Variants in INPP4B observed in about 807,000 individuals in gnomAD.
The protein encoded by INPP4B is inositol polyphosphate-4-phosphatase type II B, also known as inositol polyphosphate 4-phosphatase type II.
In INPP4B, 55 loss-of-function variants were observed where a neutral mutation model predicts 122.5. The ratio of observed to expected loss-of-function variants is 0.45; its 90% CI spans 0.36 to 0.56. The LOEUF is 0.56. Ranked by LOEUF, INPP4B falls within the 20% of genes least tolerant of loss-of-function variation. The pLI is 0.00. For synonymous variants in INPP4B, 403 were observed against 388.7 expected (o/e 1.04, Z -0.43); for missense variants, 1,000 against 1,097.7 (o/e 0.91, Z 1.26).
intron 11 of INPP4B, among the ~76,000 whole-genome samples, chr4:142,252,933 A>T (rs780905286): frequency 9.2e-5 from 14 of 152,212 alleles, no homozygotes; most frequent in Non-Finnish European, 1.9e-4. Context: ...TGGTGCAAAC[A>T]TCATAGAGTA....
At chr4:142,711,901 A>T (rs1763166076) in intron 2 of INPP4B, among the ~76,000 whole-genome samples, 7 of 152,178 alleles carry the variant, frequency 4.6e-5, no homozygotes, top group Admixed American at 4.6e-4. Context: ...GTCAAAAATT[A>T]GCCCACCATG....
intron 2 of INPP4B, among the ~76,000 whole-genome samples, chr4:142,632,123 C>G (rs1458620114): frequency 6.6e-6 from 1 of 152,078 alleles, no homozygotes; most frequent in Non-Finnish European, 1.5e-5. Flanking sequence ...TGTTCTTACA[C>G]TAAGGACAGT....
chr4:142,465,091 T>C (rs1817508395), intron 2 of INPP4B, among the ~76,000 whole-genome samples: 1 of 152,186 alleles, frequency 6.6e-6, no homozygotes, highest in Middle Eastern at 3.2e-3. Flanking sequence ...TTTTTTTAAA[T>C]ACCCGTAATG....
At chr4:142,103,591 A>G (rs1785527888) in intron 23 of INPP4B, among the ~76,000 whole-genome samples, 1 of 152,120 alleles carries the variant, frequency 6.6e-6, no homozygotes, top group South Asian at 2.1e-4. Flanking sequence ...CAACACTCCA[A>G]AAGAGCAACT....
chr4:142,332,942 C>G (rs1293341229), intron 7 of INPP4B, among the ~76,000 whole-genome samples: 3 of 137,892 alleles, frequency 2.2e-5, no homozygotes, highest in Non-Finnish European at 3.0e-5. Context: ...ACCCAGGAGG[C>G]GGAGCTTGTA....
chr4:142,464,151 A>G (rs1224551168), intron 2 of INPP4B, among the ~76,000 whole-genome samples: 2 of 152,140 alleles, frequency 1.3e-5, no homozygotes, highest in South Asian at 2.1e-4. Context: ...TTACTACTAT[A>G]TATCATGCTA....
chr4:142,203,804 A>C (rs1841640326), intron 14 of INPP4B, among the ~76,000 whole-genome samples: 1 of 152,100 alleles, frequency 6.6e-6, no homozygotes, highest in African/African-American at 2.4e-5. Flanking sequence ...AGGCTTATTA[A>C]TCAAATGTGA....
chr4:142,620,122 C>G (rs1167826397), intron 2 of INPP4B, among the ~76,000 whole-genome samples: 1 of 151,934 alleles, frequency 6.6e-6, no homozygotes, highest in African/African-American at 2.4e-5. Context: ...TAAAACAGAA[C>G]TACCATTCGG....
At chr4:142,542,585 T>C (rs896081080) in intron 2 of INPP4B, among the ~76,000 whole-genome samples, 17 of 152,228 alleles carry the variant, frequency 1.1e-4, no homozygotes, top group African/African-American at 3.9e-4. Flanking sequence ...ATCTGAAATT[T>C]ATTCCAGGAT....
intron 2 of INPP4B, among the ~76,000 whole-genome samples, chr4:142,546,404 A>G (rs1829654651): frequency 6.6e-6 from 1 of 152,150 alleles, no homozygotes; most frequent in Non-Finnish European, 1.5e-5. Flanking sequence ...CATAGCATGC[A>G]TGTGCCTTAT....
intron 15 of INPP4B, among the ~76,000 whole-genome samples, chr4:142,178,785 A>G (rs1438652904): frequency 6.6e-6 from 1 of 151,806 alleles, no homozygotes; most frequent in Non-Finnish European, 1.5e-5. Flanking sequence ...GAGAAAAAAA[A>G]ATCTAGAACT....
chr4:142,173,536 T>C (rs1210907807), intron 16 of INPP4B, 96 bp downstream of exon 16: 2 of 1,027,502 alleles, frequency 1.9e-6, no homozygotes, highest in African/African-American at 1.6e-5. Context: ...TATTTTACAT[T>C]TCCAGATGCT....
intron 2 of INPP4B, among the ~76,000 whole-genome samples, chr4:142,651,750 AG>A (rs1753006700): frequency 6.6e-6 from 1 of 152,214 alleles, no homozygotes; most frequent in African/African-American, 2.4e-5. Context: ...ACCAAAAAAA[AG>A]TCCAGCACCT....
chr4:142,278,539 A>AG (rs1749701441), intron 9 of INPP4B, among the ~76,000 whole-genome samples: 1 of 151,890 alleles, frequency 6.6e-6, no homozygotes, highest in Non-Finnish European at 1.5e-5. Context: ...TAAAACTATG[A>AG]GGGGCAAAAA....
intron 11 of INPP4B, among the ~76,000 whole-genome samples, chr4:142,252,478 G>A (rs376821165): frequency 2.6e-5 from 4 of 152,006 alleles, no homozygotes; most frequent in South Asian, 2.1e-4. Context: ...GTGAGCCACC[G>A]CGCCCGGCCA....
intron 7 of INPP4B, among the ~76,000 whole-genome samples, chr4:142,376,280 T>G (rs1318336823): frequency 6.6e-6 from 1 of 151,992 alleles, no homozygotes; most frequent in Non-Finnish European, 1.5e-5. Flanking sequence ...CTTGATATTA[T>G]CAGCATCCTG....
Position 142,112,538 on chromosome 4 carries a change from T to A in INPP4B, c.2276+4A>T, listed in dbSNP as rs765817924. The A allele has an allele frequency of 7.4e-6, 12 of 1,612,728 alleles. No homozygotes were observed. The highest frequency in any genetic ancestry group is 9.3e-6 in the Non-Finnish European group (11 of 1,179,308). On this transcript the variant is annotated splice_donor_region_variant and intron_variant, in intron 22 of 25. Coordinates refer to ENST00000262992, the MANE Select transcript of INPP4B (RefSeq NM_001101669.3). ...TCAAGTGCGACTCTTACACCAAAGC[T>A]TACCTTTCAGCCAGAGTTTGCTGTT...
intron 25 of INPP4B, among the ~76,000 whole-genome samples, chr4:142,045,281 C>CCCT (rs1477406248): frequency 6.6e-6 from 1 of 152,104 alleles, no homozygotes; most frequent in African/African-American, 2.4e-5. Context: ...CACAACGCTA[C>CCCT]TAATTAGGAA....
chr4:142,315,263 T>C (rs902112867), intron 7 of INPP4B, among the ~76,000 whole-genome samples: 2 of 152,160 alleles, frequency 1.3e-5, no homozygotes, highest in African/African-American at 4.8e-5. Context: ...TAAAAAATGT[T>C]CTCTGAATGA....
Sources: allele counts gnomAD v4.1 joint callset (sites outside exome capture counted in the v4.1 genomes callset), GRCh38; gene constraint gnomAD v4.1.1; transcripts MANE v1.5; gene names NCBI Gene and HGNC (gene_info 2026-07-23, HGNC 2026-07-21).